YEATS4: variants seen among roughly 807,000 people sequenced by gnomAD.
YEATS4 encodes YEATS domain containing 4, also known as YEATS domain-containing protein 4.
Under a neutral mutation model 30.1 loss-of-function variants are expected in YEATS4, and 17 were observed. That is an observed-to-expected ratio of 0.56 (90% CI 0.39 to 0.85). The LOEUF is 0.85. Among genes scored for constraint, YEATS4 ranks in the 40% least tolerant of loss-of-function variants. YEATS4 has a pLI of 0.00. For synonymous variants in YEATS4, 85 were observed against 87.5 expected (o/e 0.97, Z 0.16); for missense variants, 142 against 268.3 (o/e 0.53, Z 3.29).
At chr12:69,365,453 G>GAAA (rs201603040) in intron 2 of YEATS4, among the ~76,000 whole-genome samples, 180 bp from the exon 3 acceptor site, 1 of 105,764 alleles carries the variant, frequency 9.5e-6, no homozygotes, top group Non-Finnish European at 2.0e-5. Context: ...TCCATCTCAG[G>GAAA]AAAAAAAAAA....
At chr12:69,383,495 A>T (rs1401478409) in intron 6 of YEATS4, among the ~76,000 whole-genome samples, 1 of 152,248 alleles carries the variant, frequency 6.6e-6, no homozygotes, top group Non-Finnish European at 1.5e-5. Context: ...TGGGCACTCC[A>T]AAATTTAAAG....
intron 1 of YEATS4, among the ~76,000 whole-genome samples, chr12:69,362,087 G>A (rs1243117895): frequency 1.5e-5 from 2 of 133,774 alleles, no homozygotes; most frequent in African/African-American, 5.9e-5. Flanking sequence ...GTATGATCTC[G>A]GCTCACTGCA....
In YEATS4 at chr12:69,390,367, T is replaced by C; in HGVS notation, c.*51T>C. On this transcript the variant is annotated 3_prime_UTR_variant, in exon 7 of 7. Coordinates refer to ENST00000247843, the MANE Select transcript of YEATS4 (RefSeq NM_006530.4). The stretch of plus-strand genomic sequence containing the variant: ...AAGCTAAACTGAAAATAAGGTGGGC[T>C]TCACTGGAGAAATGGACTTACTGCA... The C allele has an allele frequency of 1.4e-6, 2 of 1,475,458 alleles. No homozygotes were observed. Among genetic ancestry groups the C allele is most frequent in the Middle Eastern group, 1.8e-4 (1 of 5,520 alleles). The allele number at this position is 1,475,458 out of a possible 1,614,324, so 91.4% of individuals were successfully genotyped here.
intron 4 of YEATS4, among the ~76,000 whole-genome samples, chr12:69,368,667 GA>G (rs1875528008): frequency 6.6e-6 from 1 of 152,220 alleles, no homozygotes; most frequent in Non-Finnish European, 1.5e-5. Context: ...CTAGAAGTCT[GA>G]AATCAAGGTG....
chr12:69,411,926 G>A, the YEATS4 span, among the ~76,000 whole-genome samples: 1 of 152,186 alleles, frequency 6.6e-6, no homozygotes, highest in Non-Finnish European at 1.5e-5. Context: ...AGGGGTTTGG[G>A]GTTCATTGCA....
At chr12:69,417,431 A>T in the YEATS4 span, among the ~76,000 whole-genome samples, 2 of 152,088 alleles carry the variant, frequency 1.3e-5, no homozygotes, top group African/African-American at 2.4e-5. Context: ...AAGTGCTGGG[A>T]TTACACATGT....
chr12:69,373,415 C>A (rs975133079), intron 6 of YEATS4, among the ~76,000 whole-genome samples: 2 of 152,132 alleles, frequency 1.3e-5, no homozygotes, highest in Non-Finnish European at 2.9e-5. Flanking sequence ...TTTTCGTATA[C>A]CTGTTTGCCA....
the YEATS4 span, among the ~76,000 whole-genome samples, chr12:69,413,864 GAA>G: frequency 1.4e-5 from 2 of 145,780 alleles, no homozygotes; most frequent in Non-Finnish European, 3.0e-5. Flanking sequence ...AAAAAAAAAA[GAA>G]AAAGAAAAAG....
At chr12:69,386,739 C>T (rs1185105374) in intron 6 of YEATS4, among the ~76,000 whole-genome samples, 1 of 152,150 alleles carries the variant, frequency 6.6e-6, no homozygotes, top group East Asian at 1.9e-4. Context: ...AAAATGTACT[C>T]ATGTCACAAA....
downstream of YEATS4, among the ~76,000 whole-genome samples, chr12:69,394,894 T>A (rs547823232): frequency 6.6e-6 from 1 of 152,176 alleles, no homozygotes; most frequent in Admixed American, 6.5e-5. Context: ...AGATAGAGTA[T>A]CATTTTTTAT....
intron 6 of YEATS4, among the ~76,000 whole-genome samples, chr12:69,384,427 C>T (rs539876744): frequency 4.6e-5 from 7 of 152,230 alleles, no homozygotes; most frequent in African/African-American, 1.7e-4. Context: ...AAGTTTTTAT[C>T]AATAAATTAA....
chr12:69,382,142 A>G (rs191959932), intron 6 of YEATS4, among the ~76,000 whole-genome samples: 229 of 152,362 alleles, frequency 1.5e-3, no homozygotes, highest in South Asian at 5.6e-3. Context: ...TTATAGGAAT[A>G]GGGGATGATA....
chr12:69,366,279 G>C (rs1875425580), intron 4 of YEATS4, among the ~76,000 whole-genome samples: 1 of 152,076 alleles, frequency 6.6e-6, no homozygotes, highest in African/African-American at 2.4e-5. Flanking sequence ...GCTGTCATCA[G>C]TACTAGCGCT....
intron 2 of YEATS4, among the ~76,000 whole-genome samples, chr12:69,364,800 A>C (rs767977410): frequency 3.3e-5 from 5 of 151,936 alleles, no homozygotes; most frequent in Non-Finnish European, 7.4e-5. Flanking sequence ...TTGTATTTTT[A>C]GTAGAGATGG....
the YEATS4 span, among the ~76,000 whole-genome samples, chr12:69,422,499 C>T: frequency 6.6e-6 from 1 of 151,794 alleles, no homozygotes; most frequent in Non-Finnish European, 1.5e-5. Flanking sequence ...GCTGTGGTGG[C>T]GCATGCCTAT....
At chr12:69,362,013 G>GTTTTTGTTTTTT (rs1555174243) in intron 1 of YEATS4, among the ~76,000 whole-genome samples, 149 of 69,016 alleles carry the variant, frequency 2.2e-3, no homozygotes, top group Non-Finnish European at 3.6e-3. Context: ...GTGTTTGGTT[G>GTTTTTGTTTTTT]TTTTTTTTTT....
At chr12:69,389,991 TC>T (rs1373656458) in intron 6 of YEATS4, among the ~76,000 whole-genome samples, 155 bp from the exon 7 acceptor site, 1 of 152,206 alleles carries the variant, frequency 6.6e-6, no homozygotes, top group East Asian at 1.9e-4. Context: ...ATTCTTCCCC[TC>T]CCCCAACCTG....
chr12:69,370,795 A>G lies in YEATS4; in HGVS notation c.423A>G (p.Glu141=), dbSNP rs756843350. ...KKTVVSEFYD[E]MIFQDPTAMM... ...CAGTGGTTTCAGAGTTCTATGATGA[A>G]ATGGTAAGAAGATTTTATAATGATA... Residue 141 remains glutamate (E), a synonymous_variant, in exon 5 of 7, where the codon GAA becomes GAG. Transcript: ENST00000247843. 3 of 1,596,600 alleles carry G rather than the reference A, an allele frequency of 1.9e-6. No individual in the cohort carries two copies. Among genetic ancestry groups the G allele is most frequent in the East Asian group, 2.2e-5 (1 of 44,668 alleles).
chr12:69,370,136 A>G (rs899252636), intron 4 of YEATS4, among the ~76,000 whole-genome samples: 2 of 152,182 alleles, frequency 1.3e-5, no homozygotes, highest in Admixed American at 1.3e-4. Flanking sequence ...ATAATCACAC[A>G]TTGTGCTACA....
Sources: allele counts gnomAD v4.1 joint callset (sites outside exome capture counted in the v4.1 genomes callset), GRCh38; gene constraint gnomAD v4.1.1; transcripts MANE v1.5; gene names NCBI Gene and HGNC (gene_info 2026-07-23, HGNC 2026-07-21).